The following MDM1 variants were observed in gnomAD, a reference collection of about 807,000 sequenced individuals.
The protein encoded by MDM1 is stabilizer of axonemal microtubules 6.
Under a neutral mutation model 89.1 loss-of-function variants are expected in MDM1, and 61 were observed. That is an observed-to-expected ratio of 0.68 (90% CI 0.56 to 0.85). MDM1 has a LOEUF of 0.85. Ranked by LOEUF, MDM1 falls within the 40% of genes least tolerant of loss-of-function variation. The probability of loss-of-function intolerance (pLI) is 0.00; values close to 1 mark genes in which losing one functional copy is unlikely to be tolerated. For missense variants in MDM1, 820 were observed against 846.5 expected (o/e 0.97, Z 0.39); for synonymous variants, 290 against 294.1 (o/e 0.99, Z 0.14).
rs1386855428 is a variant in MDM1 at position 68,294,762 on chromosome 12, T to C, written c.*492A>G. ...ATAAGAAAAATATATACAGCTGGTG[T>C]TTTCAAAGTACAATTATCTTAACAC... On this transcript the variant is annotated 3_prime_UTR_variant, in exon 15 of 15. Transcript: ENST00000682720. 6.6e-6 allele frequency: 1 copy of C among 152,166 alleles called. No homozygotes were observed. The highest frequency in any genetic ancestry group is 2.4e-5 in the African/African-American group (1 of 41,436). The allele number at this position is 152,166 out of a possible 1,614,324, so 9.4% of individuals were successfully genotyped here. A position where few individuals can be genotyped will look rare whatever the true frequency, so the allele number is the denominator to read the frequency against.
intron 12 of MDM1, 115 bp from the exon 13 acceptor site, chr12:68,302,987 A>ACACCC: frequency 6.9e-6 from 6 of 867,466 alleles, no homozygotes; most frequent in Non-Finnish European, 8.3e-6. Flanking sequence ...GAAATATGAG[A>ACACCC]GAATTTATGC....
At chr12:68,327,399 A>C (rs374347365) in intron 2 of MDM1, 1 of 1,535,708 alleles carries the variant, frequency 6.5e-7, no homozygotes, top group Non-Finnish European at 8.7e-7. Flanking sequence ...GGGCCCTGGT[A>C]CTGTCAAAAT....
chr12:68,316,018 AT>A, intron 9 of MDM1, 59 bp downstream of exon 9: 1 of 1,412,898 alleles, frequency 7.1e-7, no homozygotes, highest in African/African-American at 1.4e-5. Flanking sequence ...TTCCTATATC[AT>A]TCTATGATCT....
At chr12:68,304,106 C>T (rs1240420623) in intron 12 of MDM1, among the ~76,000 whole-genome samples, 1 of 151,946 alleles carries the variant, frequency 6.6e-6, no homozygotes, top group Non-Finnish European at 1.5e-5. Context: ...GAGAGACTGT[C>T]TCAAAAAATA....
intron 5 of MDM1, among the ~76,000 whole-genome samples, chr12:68,322,620 C>T (rs139965071): frequency 1.8e-4 from 28 of 152,102 alleles, no homozygotes; most frequent in African/African-American, 5.1e-4. Context: ...GGCGACAGAC[C>T]AAGACTCTGT....
intron 12 of MDM1, among the ~76,000 whole-genome samples, chr12:68,311,075 C>T (rs1047557313): frequency 6.6e-6 from 1 of 152,192 alleles, no homozygotes; most frequent in Non-Finnish European, 1.5e-5. Context: ...GTGTCCTTCC[C>T]TCACCAACTC....
chr12:68,315,874 A>G (rs1056338728), intron 9 of MDM1, among the ~76,000 whole-genome samples: 1 of 152,096 alleles, frequency 6.6e-6, no homozygotes, highest in Non-Finnish European at 1.5e-5. Context: ...AGCCTTCCAG[A>G]TTTACATTAT....
chr12:68,295,572 A>G (rs1273534536), intron 14 of MDM1, among the ~76,000 whole-genome samples: 1 of 152,242 alleles, frequency 6.6e-6, no homozygotes, highest in Non-Finnish European at 1.5e-5. Context: ...ATATATAGAA[A>G]TCAAACCTTT....
intron 12 of MDM1, among the ~76,000 whole-genome samples, chr12:68,306,397 A>G (rs569095025): frequency 1.3e-5 from 2 of 152,294 alleles, no homozygotes; most frequent in Admixed American, 6.5e-5. Flanking sequence ...CAAATGTAAC[A>G]AAAACAAATT....
At chr12:68,306,979 G>A (rs912131793) in intron 12 of MDM1, among the ~76,000 whole-genome samples, 4 of 152,154 alleles carry the variant, frequency 2.6e-5, no homozygotes, top group African/African-American at 9.7e-5. Context: ...AGAAAATGTA[G>A]TACATATACA....
At chr12:68,311,044 C>T (rs552568835) in intron 12 of MDM1, among the ~76,000 whole-genome samples, 1 of 152,316 alleles carries the variant, frequency 6.6e-6, no homozygotes, top group East Asian at 1.9e-4. Flanking sequence ...CCTATCACCT[C>T]TGCACTCTTC....
chr12:68,331,028 C>T (rs1283467809), intron 2 of MDM1, 79 bp downstream of exon 2: 1 of 798,924 alleles, frequency 1.3e-6, no homozygotes, highest in Non-Finnish European at 2.2e-6. Context: ...CCAAGGTTTA[C>T]TTAGCCCAAG....
chr12:68,326,457 C>A (rs1875991555), intron 3 of MDM1, 200 bp downstream of exon 3: 2 of 1,475,206 alleles, frequency 1.4e-6, no homozygotes, highest in African/African-American at 1.4e-5. Flanking sequence ...AGTACAACTA[C>A]TACAAAATAG....
At chr12:68,325,615 T>C in intron 3 of MDM1, 40 bp from the exon 4 acceptor site, 1 of 1,459,642 alleles carries the variant, frequency 6.9e-7, no homozygotes, top group Non-Finnish European at 9.1e-7. Flanking sequence ...CATTAAAAAT[T>C]TCTATTCAAA....
intron 3 of MDM1, 111 bp downstream of exon 3, chr12:68,326,546 A>C (rs1565786020): frequency 6.2e-7 from 1 of 1,608,550 alleles, no homozygotes; most frequent in South Asian, 1.1e-5. Flanking sequence ...ACATTAGACA[A>C]GAAAACAACA....
intron 12 of MDM1, among the ~76,000 whole-genome samples, chr12:68,312,948 G>A (rs963902336): frequency 2.0e-5 from 3 of 152,148 alleles, no homozygotes; most frequent in East Asian, 1.9e-4. Context: ...TGCCACTCTC[G>A]CACCGAGGAC....
At position 68,323,179 on chromosome 12, in the gene MDM1, G is replaced by A. The variant is rs1592986071; in HGVS notation, c.695C>T (p.Thr232Ile). The A allele has an allele frequency of 6.2e-7, 1 of 1,609,360 alleles. No individual in the cohort carries two copies. The highest frequency in any genetic ancestry group is 2.2e-5 in the East Asian group (1 of 44,578). ...PFKGNSVIHE[T>I]EYKRNFKGLS... is the part of the protein sequence containing the mutation. Reference sequence around the variant, plus strand: ...ACCCTTGAAATTTCTTTTGTATTCAGTTTCATGGATGACTGAGTTACCTTT... The same window carrying A: ...ACCCTTGAAATTTCTTTTGTATTCAATTTCATGGATGACTGAGTTACCTTT... Residue 232 changes from threonine to isoleucine, a missense_variant, in exon 5 of 15, where the codon ACT becomes ATT. Thr to Ile is a moderately conservative substitution (Grantham distance 89). Transcript: ENST00000682720.
Position 68,326,756 on chromosome 12 carries a change from A to T in MDM1, c.399T>A (p.Asp133Glu), listed in dbSNP as rs1457095167. 1.9e-6 allele frequency: 3 copies of T among 1,614,108 alleles called. No homozygotes were observed. The highest frequency in any genetic ancestry group is 2.5e-6 in the Non-Finnish European group (3 of 1,179,988). ...TTGTTACACCCTCATTATTTTCCAC[A>T]TCTGAAGCCCCTTCAGCTCTGGAGT... is the stretch of plus-strand genomic sequence containing the variant. ...SADSRAEGASDVENNEGVTNH... is the reference protein window; with the variant it reads ...SADSRAEGASEVENNEGVTNH... The change falls in exon 3 of 15, where the codon GAT becomes GAA. Residue 133 changes from aspartate to glutamate, a missense_variant. Transcript: ENST00000682720.
intron 12 of MDM1, among the ~76,000 whole-genome samples, chr12:68,307,725 G>A (rs1219101121): frequency 6.6e-6 from 1 of 151,934 alleles, no homozygotes. Context: ...ATCACTTGAG[G>A]CCAGGAGTTC....
Sources: allele counts gnomAD v4.1 joint callset (sites outside exome capture counted in the v4.1 genomes callset), GRCh38; gene constraint gnomAD v4.1.1; transcripts MANE v1.5; gene names NCBI Gene and HGNC (gene_info 2026-07-23, HGNC 2026-07-21).